Variants in ZNF100 observed in about 807,000 individuals in gnomAD.
ZNF100 encodes zinc finger protein 100 (Y1).
Under a neutral mutation model 15.8 loss-of-function variants are expected in ZNF100, and 12 were observed. The ratio of observed to expected loss-of-function variants is 0.76; its 90% CI spans 0.49 to 1.23. The LOEUF is 1.23. Among genes scored for constraint, ZNF100 ranks in the 50% most tolerant of loss-of-function variants. ZNF100 has a pLI of 0.00. For synonymous variants in ZNF100, 226 were observed against 214.8 expected, an observed-to-expected ratio of 1.05 and a Z score of -0.45; for missense variants, 670 against 635.6, an observed-to-expected ratio of 1.05 and a Z score of -0.58.
chr19:21,765,542 C>T (rs1031518831), intron 2 of ZNF100, 152 bp downstream of exon 2: 1 of 622,902 alleles, frequency 1.6e-6, no homozygotes, highest in African/African-American at 1.8e-5. Context: ...ATTTATTTCA[C>T]TATTTTTCTG....
In ZNF100 at chr19:21,765,773, T is replaced by C. The variant is rs763402846; in HGVS notation, c.17A>G (p.Tyr6Cys). The stretch of plus-strand genomic sequence containing the variant: ...TGCTCCCTTGAGAGGACACATTCCA[T>C]ACCTCGGGTCATCCTACGGGAGAAA... MDDPR[Y>C]GMCPLKGASG... Residue 6 changes from tyrosine (Y) to cysteine (C), a missense_variant, in exon 2 of 5, where the codon TAT becomes TGT. Transcript: ENST00000358296. 4 of 1,614,138 alleles carry C rather than the reference T, an allele frequency of 2.5e-6. No individual in the cohort carries two copies. The South Asian group carries it at 3.3e-5, about 13-fold the overall frequency.
chr19:21,758,617 A>G (rs781105336), intron 2 of ZNF100, among the ~76,000 whole-genome samples: 1 of 152,182 alleles, frequency 6.6e-6, no homozygotes, highest in African/African-American at 2.4e-5. Flanking sequence ...GGGTTGGGAT[A>G]TGCCAGGAGA....
Position 21,745,059 on chromosome 19 carries a change from C to T in ZNF100, c.105G>A (p.Leu35=). 1 of 1,611,864 alleles carries T rather than the reference C, an allele frequency of 6.2e-7. No homozygotes were observed. Among genetic ancestry groups the T allele is most frequent in the African/African-American group, 1.3e-5 (1 of 74,880 alleles). The change falls in exon 3 of 5, where the codon TTG becomes TTA. Residue 35 remains leucine, a synonymous_variant. Coordinates refer to ENST00000358296, the MANE Select transcript of ZNF100 (RefSeq NM_173531.4). ...LVQSYFEKGP[L]TFRDVAIEFS... ...ATTCTATGGCCACATCCCTAAACGT[C>T]AATGGCCCCTGAAAAGCACAAGCAC...
chr19:21,766,792 G>C (rs1363718186), intron 1 of ZNF100, among the ~76,000 whole-genome samples: 2 of 152,026 alleles, frequency 1.3e-5, no homozygotes, highest in Non-Finnish European at 2.9e-5. Flanking sequence ...AGGAGTTCAA[G>C]ACCAGCCTGG....
At chr19:21,763,588 C>T (rs553733879) in intron 2 of ZNF100, among the ~76,000 whole-genome samples, 19 of 152,030 alleles carry the variant, frequency 1.2e-4, no homozygotes, top group African/African-American at 4.6e-4. Flanking sequence ...GACTCCATCC[C>T]GGGGGGAAAA....
rs2035769467 is a variant in ZNF100 at position 21,725,758 on chromosome 19, A to AT, written c.*924dup. The AT allele has an allele frequency of 6.6e-6, 1 of 152,152 alleles. No homozygotes were observed. Among genetic ancestry groups the AT allele is most frequent in the African/African-American group, 2.4e-5 (1 of 41,450 alleles). 9.4% of individuals were successfully genotyped at this position (152,152 alleles called of 1,614,324 possible). On this transcript the variant is annotated 3_prime_UTR_variant, in exon 5 of 5. Coordinates refer to ENST00000358296, the MANE Select transcript of ZNF100 (RefSeq NM_173531.4). ...TCTACTTTTAAAGTTATATACAAAT[A>AT]TTTTACCAATTTTAGTTTTAGATTA...
chr19:21,739,071 A>G (rs1244159703), intron 4 of ZNF100, among the ~76,000 whole-genome samples: 1 of 152,158 alleles, frequency 6.6e-6, no homozygotes, highest in Non-Finnish European at 1.5e-5. Context: ...CCATGACCTA[A>G]ACACCTCCCT....
Position 21,765,613 on chromosome 19 carries a change from C to G in ZNF100, c.96+81G>C, listed in dbSNP as rs1448857525. ...TTGTGTTTCCCCTCAATACCAGCAT[C>G]TGATTGGCTGACCAGCAACGTGTCT... On this transcript the variant is annotated intron_variant, in intron 2 of 4. Transcript: ENST00000358296. 2.3e-6 allele frequency: 3 copies of G among 1,310,302 alleles called. No individual in the cohort carries two copies. The Admixed American group carries it at 5.2e-5, about 23-fold the overall frequency. The allele number at this position is 1,310,302 out of a possible 1,614,324, so 81.2% of individuals were successfully genotyped here.
Position 21,727,127 on chromosome 19 carries a change from A to G in ZNF100, c.1185T>C (p.His395=), listed in dbSNP as rs1395803233. The G allele has an allele frequency of 1.9e-6, 3 of 1,611,768 alleles. No individual in the cohort carries two copies. The highest frequency in any genetic ancestry group is 2.5e-6 in the Non-Finnish European group (3 of 1,178,342). Residue 395 remains histidine (H), a synonymous_variant, in exon 5 of 5, where the codon CAT becomes CAC. Coordinates refer to ENST00000358296, the MANE Select transcript of ZNF100 (RefSeq NM_173531.4). Reference sequence around the variant, plus strand: ...CACATTTGTAGAATTTCTCTCCAGTATGACTTGTCTTATGTTTAGTAAGGT... The same window carrying G: ...CACATTTGTAGAATTTCTCTCCAGTGTGACTTGTCTTATGTTTAGTAAGGT... ...FSYLTKHKTS[H]TGEKFYKCEE...
rs754385237 is a variant in ZNF100 at position 21,727,311 on chromosome 19, G to A, written c.1001C>T (p.Thr334Ile). The A allele has an allele frequency of 6.8e-6, 11 of 1,612,810 alleles. No individual in the cohort carries two copies. The highest frequency in any genetic ancestry group is 9.3e-6 in the Non-Finnish European group (11 of 1,179,546). ...CTCTCCAGTATGAATTATCCTGTGT[G>A]TAGTAAGGTGTGAGGACCGGTTAAA... ...KAFNRSSHLTTHRIIHTGEKP... is the reference protein window; with the variant it reads ...KAFNRSSHLTIHRIIHTGEKP... Residue 334 changes from threonine to isoleucine, a missense_variant, in exon 5 of 5, where the codon ACA (threonine) becomes ATA (isoleucine). Thr to Ile is a moderately conservative substitution (Grantham distance 89). Transcript: ENST00000358296.
In ZNF100 at chr19:21,742,376, CTT is replaced by C. The variant is rs59997375; in HGVS notation, c.322+1639_322+1640del. Among the ~76,000 whole-genome samples, 706 of 86,118 alleles carry C rather than the reference CTT, an allele frequency of 8.2e-3. 3 individuals are homozygous for C. Among genetic ancestry groups the C allele is most frequent in the African/African-American group, 0.024 (593 of 25,054 alleles). The allele number at this position is 86,118 out of a possible 152,430, so 56.5% of individuals were successfully genotyped here. On this transcript the variant is annotated intron_variant, in intron 4 of 4. Coordinates refer to ENST00000358296, the MANE Select transcript of ZNF100 (RefSeq NM_173531.4). ...TTTACAACCATTAATTTTTCTTTTTCTTTTTTTTTTTTTTTTTTTGAGACAGA... is the reference window on the plus strand; with the variant it reads ...TTTACAACCATTAATTTTTCTTTTTCTTTTTTTTTTTTTTTTTGAGACAGA...
intron 4 of ZNF100, among the ~76,000 whole-genome samples, chr19:21,740,161 G>T (rs2036083063): frequency 6.6e-6 from 1 of 152,146 alleles, no homozygotes; most frequent in African/African-American, 2.4e-5. Flanking sequence ...AGAGAGTTCA[G>T]AAATGAACCC....
chr19:21,754,673 A>AACTT (rs1461834609), intron 2 of ZNF100, among the ~76,000 whole-genome samples: 2 of 152,216 alleles, frequency 1.3e-5, no homozygotes, highest in Non-Finnish European at 2.9e-5. Flanking sequence ...TTAAACACTT[A>AACTT]AATGTTTAAC....
chr19:21,736,895 G>A (rs2036016589), intron 4 of ZNF100, among the ~76,000 whole-genome samples: 1 of 152,106 alleles, frequency 6.6e-6, no homozygotes, highest in Non-Finnish European at 1.5e-5. Flanking sequence ...AGCTAAAGTA[G>A]TGTTAAGGGG....
At chr19:21,746,162 T>C (rs927698266) in intron 2 of ZNF100, among the ~76,000 whole-genome samples, 1 of 152,236 alleles carries the variant, frequency 6.6e-6, no homozygotes, top group African/African-American at 2.4e-5. Flanking sequence ...AATTTTTATG[T>C]TGTGCTTATG....
In ZNF100 at chr19:21,751,201, T is replaced by A. The variant is rs951705340; in HGVS notation, c.97-6134A>T. The A allele has an allele frequency of 5.4e-6, 7 of 1,307,366 alleles. No individual in the cohort carries two copies. In the African/African-American group the frequency reaches 7.3e-5, roughly 14 times the overall value. The allele number at this position is 1,307,366 out of a possible 1,614,324, so 81.0% of individuals were successfully genotyped here. ...ATCTCCAGGGCAGCTTACTAAAAAG[T>A]ATAGCTCATGCTCAACAATATTTCT... On this transcript the variant is annotated intron_variant, in intron 2 of 4. Transcript: ENST00000358296.
intron 1 of ZNF100, among the ~76,000 whole-genome samples, chr19:21,766,390 G>T (rs1435409583): frequency 6.8e-6 from 1 of 147,420 alleles, no homozygotes; most frequent in African/African-American, 2.5e-5. Context: ...TTCCACTGAG[G>T]TGTCTCTAGT....
At chr19:21,733,768 CA>C in intron 4 of ZNF100, among the ~76,000 whole-genome samples, 1 of 152,214 alleles carries the variant, frequency 6.6e-6, no homozygotes, top group African/African-American at 2.4e-5. Flanking sequence ...AGGACCACCC[CA>C]CCAACAGGCA....
rs117108533 is a variant in ZNF100 at position 21,738,696 on chromosome 19, C to T, written c.322+5321G>A. 3.8e-3 allele frequency among the ~76,000 whole-genome samples: 571 copies of T among 152,208 alleles called. 2 individuals are homozygous for T. Among genetic ancestry groups the T allele is most frequent in the African/African-American group, 0.013 (549 of 41,542 alleles). On this transcript the variant is annotated intron_variant, in intron 4 of 4. Coordinates refer to ENST00000358296, the MANE Select transcript of ZNF100 (RefSeq NM_173531.4). ...GGTTCAGGCCAGGCGCAGAGACTCA[C>T]GCCTGTAATCCAAGCACTTTGGGAG... is the stretch of plus-strand genomic sequence containing the variant.
Sources: allele counts gnomAD v4.1 joint callset (sites outside exome capture counted in the v4.1 genomes callset), GRCh38; gene constraint gnomAD v4.1.1; transcripts MANE v1.5; gene names NCBI Gene and HGNC (gene_info 2026-07-23, HGNC 2026-07-21).